ILRUN: variants seen among roughly 807,000 people sequenced by gnomAD.
The protein encoded by ILRUN is inflammation and lipid regulator with UBA-like and NBR1-like domains.
ILRUN carries 3 observed loss-of-function variants against 33.8 expected under a neutral mutation model. That is an observed-to-expected ratio of 0.09 (90% CI 0.04 to 0.23). The LOEUF (loss-of-function observed/expected upper bound fraction) is 0.23. ILRUN is among the 10% of genes least tolerant of loss of function. The pLI is 1.00. For synonymous variants in ILRUN, 124 were observed against 138.9 expected (o/e 0.89, Z 0.75); for missense variants, 210 against 375.1 (o/e 0.56, Z 3.64).
intron 3 of ILRUN, among the ~76,000 whole-genome samples, chr6:34,618,991 A>G (rs183327124): frequency 4.2e-4 from 64 of 152,320 alleles, no homozygotes; most frequent in African/African-American, 1.3e-3. Context: ...CAGTGCTGCT[A>G]ATAAGTCAGT....
chr6:34,603,933 T>A (rs1367949692), intron 4 of ILRUN, among the ~76,000 whole-genome samples: 2 of 152,224 alleles, frequency 1.3e-5, no homozygotes, highest in African/African-American at 4.8e-5. Context: ...AGAGTGGAGC[T>A]GACTCAACTT....
At chr6:34,655,966 G>A (rs1762762689) in intron 1 of ILRUN, among the ~76,000 whole-genome samples, 1 of 152,132 alleles carries the variant, frequency 6.6e-6, no homozygotes, top group South Asian at 2.1e-4. Flanking sequence ...TGGGCTCAGT[G>A]GCTCACGCCT....
chr6:34,661,476 C>G (rs1762885106), intron 1 of ILRUN, among the ~76,000 whole-genome samples: 1 of 152,090 alleles, frequency 6.6e-6, no homozygotes, highest in African/African-American at 2.4e-5. Flanking sequence ...AAATTTGGAA[C>G]TGGAACTAAG....
chr6:34,687,392 T>C (rs1298202145), intron 1 of ILRUN, among the ~76,000 whole-genome samples: 8 of 152,070 alleles, frequency 5.3e-5, no homozygotes, highest in South Asian at 2.1e-4. Flanking sequence ...AAGATGGCTA[T>C]AGTTTTAAAA....
At chr6:34,595,879 C>T in intron 4 of ILRUN, 1 of 985,472 alleles carries the variant, frequency 1.0e-6, no homozygotes, top group Non-Finnish European at 1.2e-6. Context: ...CCCTCCTCTT[C>T]CTCATTTCCT....
In ILRUN at chr6:34,587,880, G is replaced by T. The variant is rs1215840783; in HGVS notation, c.*2685C>A. 1 of 390,422 alleles carries T rather than the reference G, an allele frequency of 2.6e-6. No individual in the cohort carries two copies. The highest frequency in any genetic ancestry group is 4.5e-6 in the Non-Finnish European group (1 of 224,210). 24.2% of individuals were successfully genotyped at this position (390,422 alleles called of 1,614,324 possible). ...CCCTCTGTCTCCCCAACTGGGTTCA[G>T]ACCCTATCACCTAACCATGGTGTCT... On this transcript the variant is annotated 3_prime_UTR_variant, in exon 5 of 5. Transcript: ENST00000374023.
In ILRUN at chr6:34,656,988, C is replaced by T. The variant is rs146752832; in HGVS notation, c.159-2209G>A. Among the ~76,000 whole-genome samples the T allele has an allele frequency of 1.2e-3, 186 of 152,254 alleles. 1 individual carries two copies. The highest frequency in any genetic ancestry group is 4.3e-3 in the African/African-American group (178 of 41,554). On this transcript the variant is annotated intron_variant, in intron 1 of 4. Coordinates refer to ENST00000374023, the MANE Select transcript of ILRUN (RefSeq NM_024294.4). ...AGTTTCCTGTCTAGCTGACAGTGAT[C>T]TAAAGTGAAGGATGTTTGTGACTGG...
intron 2 of ILRUN, among the ~76,000 whole-genome samples, chr6:34,648,283 TC>T (rs772340659): frequency 3.3e-4 from 51 of 152,284 alleles, no homozygotes; most frequent in Middle Eastern, 3.4e-3. Flanking sequence ...GTCATTTATC[TC>T]CTACCAGTAC....
chr6:34,616,453 T>G, intron 3 of ILRUN: 5 of 622,684 alleles, frequency 8.0e-6, no homozygotes, highest in Non-Finnish European at 5.6e-6. Context: ...CTAGCTTCAG[T>G]GAGAAAGGCT....
chr6:34,642,112 G>A (rs1179545993), intron 3 of ILRUN, among the ~76,000 whole-genome samples: 1 of 152,224 alleles, frequency 6.6e-6, no homozygotes, highest in African/African-American at 2.4e-5. Context: ...GATCATTGAT[G>A]CTTTACAAAA....
intron 1 of ILRUN, among the ~76,000 whole-genome samples, chr6:34,668,140 C>T (rs1345977798): frequency 6.6e-6 from 1 of 152,122 alleles, no homozygotes; most frequent in African/African-American, 2.4e-5. Context: ...AGTATAAAAG[C>T]TTGAGAGAAC....
At chr6:34,597,206 T>C (rs938964949) in intron 4 of ILRUN, among the ~76,000 whole-genome samples, 1 of 152,254 alleles carries the variant, frequency 6.6e-6, no homozygotes, top group Non-Finnish European at 1.5e-5. Flanking sequence ...GGATCCTAGC[T>C]GAATCTGACT....
intron 4 of ILRUN, among the ~76,000 whole-genome samples, chr6:34,593,814 T>A (rs1761342556): frequency 6.6e-6 from 1 of 152,132 alleles, no homozygotes; most frequent in African/African-American, 2.4e-5. Flanking sequence ...ACACACAGTA[T>A]CATAGGTGTC....
intron 1 of ILRUN, among the ~76,000 whole-genome samples, chr6:34,688,328 CAGGAGTCAAAGCTA>C (rs1763571088): frequency 1.3e-5 from 2 of 149,078 alleles, no homozygotes; most frequent in African/African-American, 4.9e-5. Context: ...GGATTGAGCC[CAGGAGTCAAAGCTA>C]AGGTTAGCCA....
At chr6:34,683,649 C>T (rs1321543671) in intron 1 of ILRUN, among the ~76,000 whole-genome samples, 1 of 151,480 alleles carries the variant, frequency 6.6e-6, no homozygotes, top group East Asian at 1.9e-4. Context: ...TTATACTTCT[C>T]ATCTTTAGTA....
chr6:34,658,125 G>T (rs1762813038), intron 1 of ILRUN, among the ~76,000 whole-genome samples: 5 of 152,168 alleles, frequency 3.3e-5, no homozygotes, highest in African/African-American at 9.7e-5. Flanking sequence ...GAGGCAGGCA[G>T]ATCACTTGAG....
intron 3 of ILRUN, 113 bp from the exon 4 acceptor site, chr6:34,607,017 T>C (rs1321382782): frequency 3.8e-6 from 3 of 786,426 alleles, no homozygotes; most frequent in South Asian, 3.6e-5. Context: ...CATTCTTCTA[T>C]ATGCTAGTTT....
At chr6:34,624,557 C>A (rs539213952) in intron 3 of ILRUN, among the ~76,000 whole-genome samples, 1 of 152,074 alleles carries the variant, frequency 6.6e-6, no homozygotes, top group South Asian at 2.1e-4. Flanking sequence ...TGATCTCGAA[C>A]TCCTGACCTC....
At chr6:34,636,138 C>A (rs1262773463) in intron 3 of ILRUN, among the ~76,000 whole-genome samples, 1 of 152,138 alleles carries the variant, frequency 6.6e-6, no homozygotes, top group African/African-American at 2.4e-5. Flanking sequence ...GTCCCAGCTA[C>A]TTGTGAGACT....
Sources: gnomAD v4.1 joint callset for allele counts (sites outside exome capture counted in the v4.1 genomes callset) on GRCh38, gnomAD v4.1.1 for gene constraint, MANE v1.5 for transcripts, NCBI Gene and HGNC (gene_info 2026-07-23, HGNC 2026-07-21) for gene names.